PXDNL: variants seen among roughly 807,000 people sequenced by gnomAD.
The protein encoded by PXDNL is peroxidasin like.
PXDNL carries 145 observed loss-of-function variants against 150.8 expected under a neutral mutation model. The observed-to-expected ratio is 0.96, with a 90% confidence interval of 0.84 to 1.10. The LOEUF is 1.10. Among genes scored for constraint, PXDNL ranks in the 50% least tolerant of loss-of-function variants. PXDNL has a pLI of 0.00. For synonymous variants in PXDNL, 757 were observed against 725.7 expected (o/e 1.04, Z -0.69); for missense variants, 2,087 against 1,873.9 (o/e 1.11, Z -2.10).
chr8:51,672,338 A>G (rs891873780), intron 1 of PXDNL, among the ~76,000 whole-genome samples: 4 of 152,198 alleles, frequency 2.6e-5, no homozygotes, highest in Non-Finnish European at 4.4e-5. Context: ...ACATAATAGA[A>G]GTGGCTTTAA....
intron 17 of PXDNL, among the ~76,000 whole-genome samples, chr8:51,400,825 T>C (rs370590155): frequency 1.7e-4 from 26 of 152,350 alleles, no homozygotes; most frequent in African/African-American, 3.1e-4. Flanking sequence ...TCATAGTTCA[T>C]TGATGCCACT....
chr8:51,394,078 A>C (rs1264121256), intron 17 of PXDNL, among the ~76,000 whole-genome samples: 1 of 152,210 alleles, frequency 6.6e-6, no homozygotes, highest in East Asian at 1.9e-4. Context: ...AGTTAACACC[A>C]GCTCATGAGA....
At chr8:51,610,278 A>G (rs1352857724) in intron 2 of PXDNL, among the ~76,000 whole-genome samples, 1 of 152,234 alleles carries the variant, frequency 6.6e-6, no homozygotes, top group Non-Finnish European at 1.5e-5. Flanking sequence ...CATTGTTTCA[A>G]GTTCCTTAGG....
At chr8:51,508,729 T>C (rs989647674) in intron 4 of PXDNL, among the ~76,000 whole-genome samples, 7 of 152,158 alleles carry the variant, frequency 4.6e-5, no homozygotes, top group Non-Finnish European at 1.0e-4. Context: ...CCGCCTTACA[T>C]TGGAGACCCA....
chr8:51,732,620 T>C (rs2130936448), intron 1 of PXDNL, among the ~76,000 whole-genome samples: 1 of 152,304 alleles, frequency 6.6e-6, no homozygotes, highest in South Asian at 2.1e-4. Context: ...AATAAAGACA[T>C]ACCTGAGACT....
chr8:51,423,714 A>G lies in PXDNL; in HGVS notation c.1656T>C (p.Thr552=), dbSNP rs764565529. ...CATCCACATGGAATTTACCACTCTC[A>G]GTAATCTGCACACCTTCCTAGGGAG... The part of the protein sequence containing the change: ...ITWNKEGVQI[T]ESGKFHVDDE... Residue 552 remains threonine (T), a synonymous_variant, in exon 14 of 23, where the codon ACT becomes ACC. Coordinates refer to ENST00000356297, the MANE Select transcript of PXDNL (RefSeq NM_144651.5). 4.3e-6 allele frequency: 7 copies of G among 1,613,618 alleles called. No homozygotes were observed. The highest frequency in any genetic ancestry group is 1.1e-5 in the South Asian group (1 of 91,056).
At chr8:51,533,863 G>T (rs1181058555) in intron 4 of PXDNL, among the ~76,000 whole-genome samples, 3 of 150,422 alleles carry the variant, frequency 2.0e-5, no homozygotes, top group Non-Finnish European at 4.4e-5. Flanking sequence ...CGCCTGCCTT[G>T]GCCCCCTAAA....
intron 4 of PXDNL, among the ~76,000 whole-genome samples, chr8:51,540,488 T>C (rs1040309981): frequency 1.3e-5 from 2 of 152,218 alleles, no homozygotes; most frequent in African/African-American, 2.4e-5. Flanking sequence ...CTTTGACACA[T>C]TGATTACTTA....
chr8:51,599,850 T>C (rs1181590323), intron 2 of PXDNL, among the ~76,000 whole-genome samples: 177 of 130,350 alleles, frequency 1.4e-3, no homozygotes, highest in African/African-American at 5.1e-3. Context: ...AATTATACCT[T>C]ATATAAATGA....
At chr8:51,541,055 C>G (rs979119968) in intron 4 of PXDNL, among the ~76,000 whole-genome samples, 1 of 151,724 alleles carries the variant, frequency 6.6e-6, no homozygotes, top group Non-Finnish European at 1.5e-5. Flanking sequence ...GTCAATAGAT[C>G]GAGACCAGCC....
At chr8:51,644,405 C>CATATATACAT (rs10685147) in intron 2 of PXDNL, among the ~76,000 whole-genome samples, 1 of 82,714 alleles carries the variant, frequency 1.2e-5, no homozygotes, top group African/African-American at 3.9e-5. Flanking sequence ...TATATATACA[C>CATATATACAT]ATGTGTGTGT....
At chr8:51,327,448 C>A (rs1422161573) in intron 21 of PXDNL, among the ~76,000 whole-genome samples, 1 of 152,136 alleles carries the variant, frequency 6.6e-6, no homozygotes, top group East Asian at 1.9e-4. Flanking sequence ...TTCTTATTAA[C>A]CAATTCATGT....
intron 1 of PXDNL, among the ~76,000 whole-genome samples, chr8:51,770,236 G>C (rs2037278224): frequency 6.6e-6 from 1 of 152,134 alleles, no homozygotes; most frequent in Non-Finnish European, 1.5e-5. Context: ...CTGCAAACTT[G>C]TCATGTCAGC....
chr8:51,441,008 T>TC (rs1194148290), intron 12 of PXDNL, among the ~76,000 whole-genome samples: 1 of 152,286 alleles, frequency 6.6e-6, no homozygotes, highest in East Asian at 1.9e-4. Flanking sequence ...TGGTTCTGTG[T>TC]CCCCACCCAC....
intron 4 of PXDNL, among the ~76,000 whole-genome samples, chr8:51,556,164 T>C (rs940505608): frequency 6.6e-6 from 1 of 151,888 alleles, no homozygotes; most frequent in Non-Finnish European, 1.5e-5. Flanking sequence ...CCCAGCTACT[T>C]GGGGGGCTGA....
chr8:51,344,704 A>G (rs1586017945), intron 20 of PXDNL, among the ~76,000 whole-genome samples: 1 of 152,362 alleles, frequency 6.6e-6, no homozygotes, highest in Non-Finnish European at 1.5e-5. Context: ...ATGTGTCATT[A>G]CAGAATGTGT....
chr8:51,487,231 A>C (rs965243583), intron 5 of PXDNL, among the ~76,000 whole-genome samples: 1 of 152,148 alleles, frequency 6.6e-6, no homozygotes, highest in Non-Finnish European at 1.5e-5. Flanking sequence ...CCTGTGACAG[A>C]AACATGCATA....
intron 5 of PXDNL, among the ~76,000 whole-genome samples, 158 bp downstream of exon 5, chr8:51,499,541 T>C (rs941526218): frequency 2.0e-5 from 3 of 152,218 alleles, no homozygotes; most frequent in African/African-American, 4.8e-5. Context: ...TCTTAAAGTA[T>C]AGAAAGCTTT....
intron 1 of PXDNL, among the ~76,000 whole-genome samples, chr8:51,738,837 C>T (rs2036868099): frequency 1.3e-5 from 2 of 152,148 alleles, no homozygotes; most frequent in Non-Finnish European, 2.9e-5. Flanking sequence ...CTACATTACA[C>T]AATCTCTTCC....
Sources: gnomAD v4.1 joint callset for allele counts (sites outside exome capture counted in the v4.1 genomes callset) on GRCh38, gnomAD v4.1.1 for gene constraint, MANE v1.5 for transcripts, NCBI Gene and HGNC (gene_info 2026-07-23, HGNC 2026-07-21) for gene names.